ADCY8: variants seen among roughly 807,000 people sequenced by gnomAD.
ADCY8 encodes the protein adenylate cyclase type 8.
A neutral mutation model predicts 119.7 loss-of-function variants in ADCY8; 51 were observed. The ratio of observed to expected loss-of-function variants is 0.43; its 90% confidence interval spans 0.34 to 0.54. The LOEUF (loss-of-function observed/expected upper bound fraction) is 0.54, where lower values mean the gene tolerates loss of function less well. Among genes scored for constraint, ADCY8 ranks in the 20% least tolerant of loss-of-function variants. ADCY8 has a pLI of 0.03. For missense variants in ADCY8, 1,383 were observed against 1,598.8 expected (o/e 0.87, Z 2.30); for synonymous variants, 665 against 651.0 (o/e 1.02, Z -0.33).
intron 2 of ADCY8, among the ~76,000 whole-genome samples, chr8:130,989,694 T>G (rs13278083): frequency 0.044 from 6,692 of 152,254 alleles, 155 homozygotes; most frequent in East Asian, 0.059. Flanking sequence ...TATATAAATA[T>G]CTTTAATAGG....
rs552318466 is a variant in ADCY8 at position 130,929,278 on chromosome 8, T to A, written c.1481+7795A>T. ...AGATCCTCTTTTTTGATGCAGGTGT[T>A]TATTATTGTAAACTTCCCTTATATA... On this transcript the variant is annotated intron_variant, in intron 5 of 17. Coordinates refer to ENST00000286355, the MANE Select transcript of ADCY8 (RefSeq NM_001115.3). Among the ~76,000 whole-genome samples, 16 of 152,122 alleles carry A rather than the reference T, an allele frequency of 1.1e-4. 1 individual carries two copies. The South Asian group carries it at 1.7e-3, about 16-fold the overall frequency.
At chr8:131,030,730 G>A (rs1157500116) in intron 1 of ADCY8, among the ~76,000 whole-genome samples, 1 of 152,096 alleles carries the variant, frequency 6.6e-6, no homozygotes, top group Non-Finnish European at 1.5e-5. Context: ...AATATTTGGG[G>A]GAAAAGTTTA....
intron 1 of ADCY8, among the ~76,000 whole-genome samples, chr8:130,991,563 C>T (rs1822579687): frequency 6.6e-6 from 1 of 152,180 alleles, no homozygotes; most frequent in Non-Finnish European, 1.5e-5. Flanking sequence ...TGATTTCAAT[C>T]AAGTTAATTA....
chr8:130,858,317 T>C (rs1282324541), intron 9 of ADCY8, among the ~76,000 whole-genome samples: 2 of 152,246 alleles, frequency 1.3e-5, no homozygotes, highest in Non-Finnish European at 2.9e-5. Flanking sequence ...TTAGTTGTTA[T>C]GTCTCCTTAG....
At chr8:130,874,740 A>G (rs1289418872) in intron 8 of ADCY8, among the ~76,000 whole-genome samples, 1 of 152,126 alleles carries the variant, frequency 6.6e-6, no homozygotes, top group Non-Finnish European at 1.5e-5. Flanking sequence ...GACTGGGCAC[A>G]TGAGAATTTC....
chr8:130,807,857 G>A (rs556968758), intron 14 of ADCY8, among the ~76,000 whole-genome samples: 56 of 147,360 alleles, frequency 3.8e-4, no homozygotes, highest in Non-Finnish European at 4.4e-4. Flanking sequence ...AGTGGCGGGC[G>A]CCTGTAGTCC....
At chr8:130,835,420 C>T (rs138794363) in intron 12 of ADCY8, among the ~76,000 whole-genome samples, 3 of 152,318 alleles carry the variant, frequency 2.0e-5, no homozygotes, top group African/African-American at 7.2e-5. Context: ...TTCCAAGGCA[C>T]CAGCTGAATC....
intron 9 of ADCY8, among the ~76,000 whole-genome samples, chr8:130,864,155 A>C (rs966690788): frequency 2.0e-5 from 3 of 152,306 alleles, no homozygotes; most frequent in African/African-American, 7.2e-5. Context: ...TCTGACAAAA[A>C]GTCTGATGTA....
intron 7 of ADCY8, among the ~76,000 whole-genome samples, chr8:130,895,948 G>A (rs936510358): frequency 2.0e-5 from 3 of 152,128 alleles, no homozygotes; most frequent in African/African-American, 7.2e-5. Context: ...TTTAGGGGGA[G>A]GAATTTCAGG....
intron 2 of ADCY8, among the ~76,000 whole-genome samples, chr8:130,989,916 G>A (rs944620304): frequency 1.3e-5 from 2 of 152,060 alleles, no homozygotes; most frequent in African/African-American, 2.4e-5. Flanking sequence ...GCATCATGTC[G>A]ACAGGACTTT....
chr8:130,808,997 T>C (rs1031287146), intron 14 of ADCY8, among the ~76,000 whole-genome samples: 3 of 152,132 alleles, frequency 2.0e-5, no homozygotes, highest in African/African-American at 7.2e-5. Context: ...GCTGGCTTTA[T>C]CTGCAAGAAT....
chr8:130,782,588 T>C (rs1009755692), intron 17 of ADCY8, among the ~76,000 whole-genome samples: 3 of 152,244 alleles, frequency 2.0e-5, no homozygotes, highest in African/African-American at 7.2e-5. Context: ...AGAATTTACT[T>C]AGAATATCTC....
intron 5 of ADCY8, among the ~76,000 whole-genome samples, chr8:130,914,033 A>T (rs1820057209): frequency 6.6e-6 from 1 of 152,232 alleles, no homozygotes; most frequent in Admixed American, 6.5e-5. Context: ...TATAATAAGG[A>T]CTAGTTGCTT....
intron 1 of ADCY8, among the ~76,000 whole-genome samples, chr8:131,019,861 CT>C (rs1397298339): frequency 1.1e-4 from 16 of 150,900 alleles, no homozygotes; most frequent in Non-Finnish European, 2.1e-4. Flanking sequence ...CTCTCTCTCT[CT>C]CTCTCTCTCA....
rs547532077 is a variant in ADCY8, at chr8:130,965,736, G to C, written c.1111-13738C>G. 3.9e-5 allele frequency among the ~76,000 whole-genome samples: 6 copies of C among 152,106 alleles called. 1 individual carries two copies. Among genetic ancestry groups the C allele is most frequent in the African/African-American group, 1.4e-4 (6 of 41,508 alleles). On this transcript the variant is annotated intron_variant, in intron 2 of 17. Coordinates refer to ENST00000286355, the MANE Select transcript of ADCY8 (RefSeq NM_001115.3). ...CAGAAGTTTTTTTAAAAATGGCTCA[G>C]CATTATTTCAAAAGAATAGATAATA...
At chr8:130,993,422 T>G (rs962383658) in intron 1 of ADCY8, among the ~76,000 whole-genome samples, 1 of 152,172 alleles carries the variant, frequency 6.6e-6, no homozygotes, top group Non-Finnish European at 1.5e-5. Context: ...TCAGCAAAGA[T>G]AGAGATAATC....
intron 2 of ADCY8, among the ~76,000 whole-genome samples, chr8:130,960,507 C>G (rs1821566681): frequency 6.6e-6 from 1 of 152,064 alleles, no homozygotes; most frequent in Non-Finnish European, 1.5e-5. Flanking sequence ...CTTATGATTT[C>G]AGCATGTCTT....
chr8:130,849,414 C>A (rs1461192190), intron 10 of ADCY8, among the ~76,000 whole-genome samples, 188 bp downstream of exon 10: 1 of 152,156 alleles, frequency 6.6e-6, no homozygotes, highest in Non-Finnish European at 1.5e-5. Flanking sequence ...AGACAGTTTT[C>A]CAACAGTAAA....
chr8:131,014,544 T>C (rs1469826395), intron 1 of ADCY8, among the ~76,000 whole-genome samples: 1 of 152,150 alleles, frequency 6.6e-6, no homozygotes, highest in Non-Finnish European at 1.5e-5. Flanking sequence ...TAAAGCAGGA[T>C]AATTGATAAC....
Sources: allele counts gnomAD v4.1 joint callset (sites outside exome capture counted in the v4.1 genomes callset), GRCh38; gene constraint gnomAD v4.1.1; transcripts MANE v1.5; gene names NCBI Gene and HGNC (gene_info 2026-07-23, HGNC 2026-07-21).